Variants in SNX29 observed in about 807,000 individuals in gnomAD.
The protein encoded by SNX29 is sorting nexin 29, also known as sorting nexin-29.
Under a neutral mutation model 102.1 loss-of-function variants are expected in SNX29, and 78 were observed. The observed-to-expected ratio is 0.76, with a 90% CI of 0.64 to 0.92. The LOEUF (loss-of-function observed/expected upper bound fraction) is 0.92, where lower values mean the gene tolerates loss of function less well. Among genes scored for constraint, SNX29 ranks in the 40% least tolerant of loss-of-function variants. SNX29 has a pLI of 0.00. For missense variants in SNX29, 1,280 were observed against 1,061.7 expected (o/e 1.21, Z -2.86); for synonymous variants, 580 against 414.5 (o/e 1.40, Z -4.85).
In SNX29 at chr16:12,569,658, C is replaced by T. The variant is rs2079143891; in HGVS notation, c.*1029C>T. 1 of 229,594 alleles carries T rather than the reference C, an allele frequency of 4.4e-6. No homozygotes were observed. The highest frequency in any genetic ancestry group is 5.7e-5 in the Admixed American group (1 of 17,656). The allele number at this position is 229,594 out of a possible 1,614,324, so 14.2% of individuals were successfully genotyped here. ...CTAAGACAGAGTCCTCTGTTCCTCC[C>T]ATGTCAGGTGGCTCTCAGAGTACAG... On this transcript the variant is annotated 3_prime_UTR_variant, in exon 21 of 21. Coordinates refer to ENST00000566228, the MANE Select transcript of SNX29 (RefSeq NM_032167.5).
In SNX29 at chr16:12,381,583, C is replaced by G. The variant is rs143598611; in HGVS notation, c.1900-16863C>G. ...AGCCACCCACCCATCATCCACCCAC[C>G]CACTCACTCATCCATCCACCCATCC... On this transcript the variant is annotated intron_variant, in intron 16 of 20. Coordinates refer to ENST00000566228, the MANE Select transcript of SNX29 (RefSeq NM_032167.5). 1.9e-3 allele frequency among the ~76,000 whole-genome samples: 201 copies of G among 106,244 alleles called. 9 individuals are homozygous for G. The highest frequency in any genetic ancestry group is 7.7e-3 in the African/African-American group (192 of 24,964). The allele number at this position is 106,244 out of a possible 152,430, so 69.7% of individuals were successfully genotyped here. A position where few individuals can be genotyped will look rare whatever the true frequency, so the allele number is the denominator to read the frequency against.
intron 9 of SNX29, among the ~76,000 whole-genome samples, chr16:12,064,410 G>A (rs1403299487): frequency 1.3e-5 from 2 of 152,322 alleles, no homozygotes; most frequent in South Asian, 2.1e-4. Flanking sequence ...TCCCACACCC[G>A]GCTGTCAGCT....
rs1257184280 is a variant in SNX29, at chr16:12,067,026, AATAAAT to A, written c.1244-2029_1244-2024del. Reference sequence around the variant, plus strand: ...AAATAAATAAATAAATAAATAAATAAATAAATAAGCAGGCCAGTCATGAGGGTGCAT... The same window carrying A: ...AAATAAATAAATAAATAAATAAATAAAAGCAGGCCAGTCATGAGGGTGCAT... On this transcript the variant is annotated intron_variant, in intron 9 of 20. Coordinates refer to ENST00000566228, the MANE Select transcript of SNX29 (RefSeq NM_032167.5). Among the ~76,000 whole-genome samples, 137 of 123,670 alleles carry A rather than the reference AATAAAT, an allele frequency of 1.1e-3. 1 individual carries two copies. Among genetic ancestry groups the A allele is most frequent in the African/African-American group, 3.8e-3 (126 of 33,550 alleles). The allele number at this position is 123,670 out of a possible 152,430, so 81.1% of individuals were successfully genotyped here.
At chr16:12,270,540 C>G (rs969791861) in intron 14 of SNX29, among the ~76,000 whole-genome samples, 4 of 152,202 alleles carry the variant, frequency 2.6e-5, no homozygotes, top group African/African-American at 9.7e-5. Flanking sequence ...CTTGACCCCA[C>G]ATACTCACCT....
intron 15 of SNX29, among the ~76,000 whole-genome samples, chr16:12,299,082 T>A (rs568906770): frequency 6.6e-6 from 1 of 151,844 alleles, no homozygotes; most frequent in Non-Finnish European, 1.5e-5. Context: ...GGTGAATCAC[T>A]TGAGGTCAGG....
intron 13 of SNX29, among the ~76,000 whole-genome samples, chr16:12,130,995 G>A (rs2054441625): frequency 6.6e-6 from 1 of 152,050 alleles, no homozygotes; most frequent in Non-Finnish European, 1.5e-5. Context: ...TCCTGTATGA[G>A]TATATATTTT....
intron 13 of SNX29, among the ~76,000 whole-genome samples, chr16:12,190,949 C>T (rs548446025): frequency 2.8e-4 from 42 of 152,254 alleles, no homozygotes; most frequent in African/African-American, 8.7e-4. Flanking sequence ...TGGGTTTATT[C>T]CTTCAGACCT....
intron 15 of SNX29, among the ~76,000 whole-genome samples, chr16:12,355,191 T>A (rs2082095997): frequency 6.6e-6 from 1 of 152,202 alleles, no homozygotes; most frequent in South Asian, 2.1e-4. Flanking sequence ...ATCATTCATA[T>A]CTTGGCGGAT....
intron 1 of SNX29, among the ~76,000 whole-genome samples, chr16:11,979,983 C>T (rs428508): frequency 0.75 from 114,367 of 151,850 alleles, 44,165 homozygotes; most frequent in Non-Finnish European, 0.85. Context: ...AACTCAGAAT[C>T]TAAGTAAGGT....
At chr16:12,182,488 C>T (rs937070917) in intron 13 of SNX29, among the ~76,000 whole-genome samples, 1 of 152,144 alleles carries the variant, frequency 6.6e-6, no homozygotes, top group Non-Finnish European at 1.5e-5. Flanking sequence ...GCAGAGCTTC[C>T]CAGCCACTGT....
chr16:12,555,135 C>G (rs559561486), intron 20 of SNX29, among the ~76,000 whole-genome samples: 2 of 151,786 alleles, frequency 1.3e-5, no homozygotes, highest in East Asian at 2.0e-4. Flanking sequence ...GGCTTATTCT[C>G]AGACTTGGTC....
chr16:12,048,588 C>G lies in SNX29; in HGVS notation c.716C>G (p.Pro239Arg). Residue 239 changes from proline to arginine, a missense_variant, in exon 7 of 21, where the codon CCC becomes CGC. Coordinates refer to ENST00000566228, the MANE Select transcript of SNX29 (RefSeq NM_032167.5). ...ATCAAACCTGAACAGGAGACCGACC[C>G]CTTGCCTGTCGTGTCCAGGAATGTC... ...ILIKPEQETD[P>R]LPVVSRNVSA... The G allele has an allele frequency of 6.2e-7, 1 of 1,613,922 alleles. No individual in the cohort carries two copies. The highest frequency in any genetic ancestry group is 8.5e-7 in the Non-Finnish European group (1 of 1,179,862).
Position 12,015,507 on chromosome 16 carries a change from G to A in SNX29, c.123-11813G>A, listed in dbSNP as rs1006091820. ...CCCGCCTCAGCCTCCCAAAGTGCTGGGATTATAGGCGTGAGCCACCGTGCC... is the reference window on the plus strand; with the variant it reads ...CCCGCCTCAGCCTCCCAAAGTGCTGAGATTATAGGCGTGAGCCACCGTGCC... On this transcript the variant is annotated intron_variant, in intron 3 of 20. Coordinates refer to ENST00000566228, the MANE Select transcript of SNX29 (RefSeq NM_032167.5). Among the ~76,000 whole-genome samples, 9 of 151,398 alleles carry A rather than the reference G, an allele frequency of 5.9e-5. 1 individual carries two copies. The highest frequency in any genetic ancestry group is 2.2e-4 in the African/African-American group (9 of 41,130).
intron 15 of SNX29, among the ~76,000 whole-genome samples, chr16:12,309,654 G>A (rs138624059): frequency 7.9e-5 from 12 of 152,302 alleles, no homozygotes; most frequent in African/African-American, 2.9e-4. Flanking sequence ...GAAGGAATGG[G>A]TGCCCACAGT....
Position 12,569,792 on chromosome 16 carries a change from CA to C in SNX29, c.*1164del, listed in dbSNP as rs2079147463. The C allele has an allele frequency of 4.3e-6, 1 of 230,396 alleles. No homozygotes were observed. The highest frequency in any genetic ancestry group is 8.6e-6 in the Non-Finnish European group (1 of 116,252). 14.3% of individuals were successfully genotyped at this position (230,396 alleles called of 1,614,324 possible). Reference sequence around the variant, plus strand: ...CACCTCACAGAGCAATAGCCGTCCTCAGATGCTCAGCAAAGTTGTGGCAGTT... The same window carrying C: ...CACCTCACAGAGCAATAGCCGTCCTCGATGCTCAGCAAAGTTGTGGCAGTT... On this transcript the variant is annotated 3_prime_UTR_variant, in exon 21 of 21. Transcript: ENST00000566228.
intron 13 of SNX29, among the ~76,000 whole-genome samples, chr16:12,157,195 A>AC (rs796208652): frequency 6.6e-6 from 1 of 151,948 alleles, no homozygotes; most frequent in African/African-American, 2.4e-5. Context: ...ACCAACATCC[A>AC]CCCCCCATAG....
chr16:12,192,837 G>T (rs1370569892), intron 13 of SNX29, among the ~76,000 whole-genome samples: 3 of 152,124 alleles, frequency 2.0e-5, no homozygotes, highest in African/African-American at 7.2e-5. Flanking sequence ...AAGTAGCTGG[G>T]ATTACAGGTG....
At chr16:12,144,465 T>C (rs1484590269) in intron 13 of SNX29, among the ~76,000 whole-genome samples, 1 of 152,180 alleles carries the variant, frequency 6.6e-6, no homozygotes, top group Non-Finnish European at 1.5e-5. Context: ...GAGAGGTGAT[T>C]AGACCATGAG....
chr16:12,477,411 C>T (rs1449780520), intron 18 of SNX29, among the ~76,000 whole-genome samples: 1 of 152,214 alleles, frequency 6.6e-6, no homozygotes, highest in Non-Finnish European at 1.5e-5. Flanking sequence ...TGCTGCAATA[C>T]ACACATGACA....
Sources: allele counts gnomAD v4.1 joint callset (sites outside exome capture counted in the v4.1 genomes callset), GRCh38; gene constraint gnomAD v4.1.1; transcripts MANE v1.5; gene names NCBI Gene and HGNC (gene_info 2026-07-23, HGNC 2026-07-21).